Variants in AGBL1 observed in about 807,000 individuals in gnomAD.
The protein encoded by AGBL1 is cytosolic carboxypeptidase 4.
AGBL1 carries 130 observed loss-of-function variants against 118.9 expected under a neutral mutation model. The ratio of observed to expected loss-of-function variants is 1.09; its 90% CI spans 0.95 to 1.26. The LOEUF is 1.26. Ranked by LOEUF, AGBL1 falls within the 50% of genes most tolerant of loss-of-function variation. The pLI is 0.00. For synonymous variants in AGBL1, 555 were observed against 478.9 expected (o/e 1.16, Z -2.08); for missense variants, 1,584 against 1,298.1 (o/e 1.22, Z -3.38).
intron 22 of AGBL1, among the ~76,000 whole-genome samples, chr15:86,814,277 A>C (rs1346888453): frequency 6.6e-6 from 1 of 152,128 alleles, no homozygotes; most frequent in Non-Finnish European, 1.5e-5. Context: ...TAATCTAACT[A>C]ATGCCTGATG....
chr15:86,971,531 G>T lies in AGBL1; in HGVS notation c.3222-16456G>T, dbSNP rs1333882802. Among the ~76,000 whole-genome samples, 3 of 151,862 alleles carry T rather than the reference G, an allele frequency of 2.0e-5. No individual in the cohort carries two copies. The East Asian group carries it at 5.8e-4, about 29-fold the overall frequency. ...AGGGGATGTGCTTTTTAATTAAATA[G>T]TCAAGAACAGAAAACACTGAGCTCT... On this transcript the variant is annotated intron_variant, in intron 23 of 24. Coordinates refer to the AGBL1 transcript ENST00000441037.
At chr15:86,789,540 G>T (rs2078462450) in intron 22 of AGBL1, among the ~76,000 whole-genome samples, 1 of 152,166 alleles carries the variant, frequency 6.6e-6, no homozygotes, top group African/African-American at 2.4e-5. Flanking sequence ...AAAGCTAAGG[G>T]GGAGGTGAGT....
chr15:86,511,691 C>T (rs1056477935), intron 18 of AGBL1, among the ~76,000 whole-genome samples: 3 of 151,776 alleles, frequency 2.0e-5, no homozygotes, highest in African/African-American at 4.8e-5. Flanking sequence ...AGGCATGGTA[C>T]AAAATAAGTG....
At chr15:87,020,280 G>A (rs2081651537) in intron 24 of AGBL1, among the ~76,000 whole-genome samples, 2 of 151,994 alleles carry the variant, frequency 1.3e-5, no homozygotes, top group African/African-American at 2.4e-5. Flanking sequence ...ATGCAGACAA[G>A]GCCTTCAATA....
At chr15:86,757,147 A>T (rs754643667) in intron 22 of AGBL1, among the ~76,000 whole-genome samples, 1 of 152,092 alleles carries the variant, frequency 6.6e-6, no homozygotes, top group South Asian at 2.1e-4. Flanking sequence ...AAGTTTATTC[A>T]TGATTAACAT....
chr15:86,242,818 C>G (rs1393230412), intron 6 of AGBL1, among the ~76,000 whole-genome samples: 1 of 152,220 alleles, frequency 6.6e-6, no homozygotes, highest in African/African-American at 2.4e-5. Context: ...GGGCTGCTTG[C>G]AGGTAAAATT....
At chr15:86,663,648 G>T (rs1435825561) in intron 21 of AGBL1, among the ~76,000 whole-genome samples, 4 of 152,088 alleles carry the variant, frequency 2.6e-5, no homozygotes, top group African/African-American at 9.7e-5. Context: ...GGAGGCATGA[G>T]AAAAGAGAGA....
intron 17 of AGBL1, among the ~76,000 whole-genome samples, chr15:86,361,138 A>G (rs960884596): frequency 6.6e-5 from 10 of 152,004 alleles, no homozygotes; most frequent in South Asian, 2.1e-4. Context: ...CCTGCATCCA[A>G]TAAATTTTGT....
At chr15:86,476,784 C>T (rs1312628600) in intron 18 of AGBL1, among the ~76,000 whole-genome samples, 2 of 152,176 alleles carry the variant, frequency 1.3e-5, no homozygotes, top group East Asian at 1.9e-4. Context: ...ATACATTCTT[C>T]TCAGCACCAC....
At chr15:86,251,104 C>A (rs1296058858) in intron 7 of AGBL1, among the ~76,000 whole-genome samples, 1 of 152,166 alleles carries the variant, frequency 6.6e-6, no homozygotes, top group Non-Finnish European at 1.5e-5. Flanking sequence ...TATGCAGACT[C>A]TCCAATATTG....
intron 22 of AGBL1, among the ~76,000 whole-genome samples, chr15:86,843,004 C>T (rs370601628): frequency 7.2e-5 from 11 of 152,142 alleles, no homozygotes; most frequent in East Asian, 3.9e-4. Context: ...TTTAGGGCTC[C>T]TTCAAACAGG....
intron 22 of AGBL1, among the ~76,000 whole-genome samples, chr15:86,685,406 A>T (rs540045858): frequency 5.9e-5 from 9 of 152,136 alleles, no homozygotes; most frequent in Non-Finnish European, 1.0e-4. Flanking sequence ...GCATAAGCCA[A>T]TATTGTTTCA....
Position 86,522,893 on chromosome 15 carries a change from C to A in AGBL1, c.2639C>A (p.Ala880Asp), listed in dbSNP as rs908931775. The A allele has an allele frequency of 3.4e-5, 55 of 1,613,858 alleles. No homozygotes were observed. Among genetic ancestry groups the A allele is most frequent in the Non-Finnish European group, 4.7e-5 (55 of 1,179,864 alleles). The change falls in exon 19 of 23, where the codon GCC becomes GAC. Residue 880 changes from alanine to aspartate, a missense_variant. By Grantham distance (126) the Ala-to-Asp change is moderately radical. Coordinates refer to ENST00000614907, the MANE Select transcript of AGBL1 (RefSeq NM_001386094.1). ...SAHLQPTIYH[A>D]KGLLYHLSSI... ...CATCTGCAGCCAACCATTTACCATG[C>A]CAAAGGCCTCCTCTACCACCTGAGC...
At chr15:86,266,506 T>A in intron 12 of AGBL1, 49 bp downstream of exon 12, 1 of 1,325,802 alleles carries the variant, frequency 7.5e-7, no homozygotes, top group Non-Finnish European at 1.1e-6. Flanking sequence ...AGAATTCTCT[T>A]AATGGCATGA....
At position 86,627,004 on chromosome 15, in the gene AGBL1, A is replaced by ATTTTTTTT. The variant is rs529625807; in HGVS notation, c.2995-47262_2995-47255dup. Among the ~76,000 whole-genome samples, 681 of 140,330 alleles carry ATTTTTTTT rather than the reference A, an allele frequency of 4.9e-3. 5 individuals are homozygous for ATTTTTTTT. Among genetic ancestry groups the ATTTTTTTT allele is most frequent in the African/African-American group, 0.017 (652 of 38,006 alleles). 92.1% of individuals were successfully genotyped at this position (140,330 alleles called of 152,430 possible). ...AGGTGCCTGCCACAACGACCAGCTAATTTTTTTTTTTTTTAGATGGAGTTT... is the reference window on the plus strand; with the variant it reads ...AGGTGCCTGCCACAACGACCAGCTAATTTTTTTTTTTTTTTTTTTTTTAGATGGAGTTT... On this transcript the variant is annotated intron_variant, in intron 21 of 22. Transcript: ENST00000614907.
chr15:86,407,894 T>C (rs1459577789), intron 18 of AGBL1, among the ~76,000 whole-genome samples: 7 of 152,132 alleles, frequency 4.6e-5, no homozygotes, highest in Admixed American at 4.6e-4. Flanking sequence ...GCTTCTGAAA[T>C]GCACATTCCC....
chr15:86,957,694 C>G (rs544417560), intron 23 of AGBL1, among the ~76,000 whole-genome samples: 1 of 151,992 alleles, frequency 6.6e-6, no homozygotes, highest in East Asian at 1.9e-4. Context: ...ATTAAAGAAG[C>G]TTTTCCAATT....
intron 22 of AGBL1, among the ~76,000 whole-genome samples, chr15:86,728,066 T>C (rs1296502353): frequency 6.6e-6 from 1 of 152,222 alleles, no homozygotes; most frequent in Admixed American, 6.5e-5. Context: ...AATGAACCTA[T>C]ACAAAATGGT....
intron 21 of AGBL1, among the ~76,000 whole-genome samples, chr15:86,627,380 G>A (rs1275978088): frequency 6.6e-6 from 1 of 152,158 alleles, no homozygotes; most frequent in Admixed American, 6.5e-5. Flanking sequence ...CAGAGGAGAG[G>A]TTAGTAAAAC....
Sources: allele counts gnomAD v4.1 joint callset (sites outside exome capture counted in the v4.1 genomes callset), GRCh38; gene constraint gnomAD v4.1.1; transcripts MANE v1.5; gene names NCBI Gene and HGNC (gene_info 2026-07-23, HGNC 2026-07-21).